ARMCX5: variants seen among roughly 807,000 people sequenced by gnomAD.
ARMCX5 encodes the protein armadillo repeat containing X-linked 5, also known as armadillo repeat-containing X-linked protein 5.
Under a neutral mutation model 7.5 loss-of-function variants are expected in ARMCX5, and 1 was observed. The observed-to-expected ratio is 0.13, with a 90% CI of 0.05 to 0.63. The LOEUF (loss-of-function observed/expected upper bound fraction) is 0.63. Among genes scored for constraint, ARMCX5 ranks in the 30% least tolerant of loss-of-function variants. The pLI, the probability that ARMCX5 is intolerant of heterozygous loss-of-function variation, is 0.86. For missense variants in ARMCX5, 346 were observed against 402.2 expected, an observed-to-expected ratio of 0.86 and a Z score of 1.19; for synonymous variants, 149 against 145.7, an observed-to-expected ratio of 1.02 and a Z score of -0.16.
rs773138492 is a variant in ARMCX5, at chrX:102,602,640, G to A, written c.499G>A (p.Glu167Lys). The change falls in exon 4 of 4, where the codon GAA (glutamate) becomes AAA (lysine). Residue 167 changes from glutamate (E) to lysine (K), a missense_variant. This residue lies in a region of ARMCX5 where 204 missense variants were observed against 244.3 expected (regional missense o/e 0.83). Transcript: ENST00000473968. ...TGGGATGAAATCCAGTGATGAGGAT[G>A]AAGAAAATATATGCTCCTGGTTCTG... is the stretch of plus-strand genomic sequence containing the variant. The part of the protein sequence containing the change: ...SIGMKSSDED[E>K]ENICSWFWTG... 1.7e-6 allele frequency: 2 copies of A among 1,209,232 alleles called. No homozygotes were observed. Among genetic ancestry groups the A allele is most frequent in the Admixed American group, 4.4e-5 (2 of 45,753 alleles).
Position 102,603,899 on chromosome X carries a change from C to T in ARMCX5, c.*81C>T. 1.6e-6 allele frequency: 1 copy of T among 637,523 alleles called. No individual in the cohort carries two copies. Among genetic ancestry groups the T allele is most frequent in the Non-Finnish European group, 2.4e-6 (1 of 417,943 alleles). 52.5% of individuals were successfully genotyped at this position (637,523 alleles called of 1,213,427 possible). A position where few individuals can be genotyped will look rare whatever the true frequency, so the allele number is the denominator to read the frequency against. On this transcript the variant is annotated 3_prime_UTR_variant, in exon 4 of 4. Coordinates refer to ENST00000473968, the MANE Select transcript of ARMCX5 (RefSeq NM_001168478.2). ...CCAATGCATATTGTAATTATAAATT[C>T]AATACTTATGTTTTCCATGTTGATT...
Position 102,602,399 on chromosome X carries a change from T to C in ARMCX5, c.258T>C (p.Thr86=), listed in dbSNP as rs142005126. 496 of 1,209,820 alleles carry C rather than the reference T, an allele frequency of 4.1e-4. 3 individuals carry two copies. The highest frequency in any genetic ancestry group is 5.2e-4 in the Non-Finnish European group (462 of 895,071). ...EVIKVEDTTK[T]RVMVETKTKP... ...TCAAGGTGGAAGATACAACTAAGAC[T>C]AGAGTCATGGTTGAGACTAAGACAA... The change falls in exon 4 of 4, where the codon ACT becomes ACC. Residue 86 remains threonine, a synonymous_variant. Transcript: ENST00000473968.
At position 102,602,471 on chromosome X, in the gene ARMCX5, C is replaced by G. The variant is rs1042317545; in HGVS notation, c.330C>G (p.Ala110=). ...TAGTGCCACAAACCAAGTCAAAGGC[C>G]ATGCCTATGTCTAGGGTCAGTACTG... ...RSIVPQTKSK[A]MPMSRVSTVT... The change falls in exon 4 of 4, where the codon GCC becomes GCG. Residue 110 remains alanine (A), a synonymous_variant. Coordinates refer to ENST00000473968, the MANE Select transcript of ARMCX5 (RefSeq NM_001168478.2). 1 of 1,209,631 alleles carries G rather than the reference C, an allele frequency of 8.3e-7. No homozygotes were observed. Among genetic ancestry groups the G allele is most frequent in the African/African-American group, 1.7e-5 (1 of 57,155 alleles).
upstream of ARMCX5, chrX:102,599,310 A>T (rs1161873526): frequency 9.0e-6 from 1 of 111,494 alleles, no homozygotes; most frequent in Non-Finnish European, 1.9e-5. Flanking sequence ...GAACTAATAC[A>T]GAAACACTCT....
chrX:102,603,767 C>T lies in ARMCX5; in HGVS notation c.1626C>T (p.His542=), dbSNP rs764644481. ...AGAAACTCCAAGACTTAGCAGAGCA[C>T]AGTGATCCCGAAGTGAGAGATAAAG... ...FGQKLQDLAE[H]SDPEVRDKVI... is the part of the protein sequence containing the mutation. Residue 542 remains histidine, a synonymous_variant, in exon 4 of 4, where the codon CAC becomes CAT. Coordinates refer to ENST00000473968, the MANE Select transcript of ARMCX5 (RefSeq NM_001168478.2). The T allele has an allele frequency of 2.5e-6, 3 of 1,195,595 alleles. No homozygotes were observed. Among genetic ancestry groups the T allele is most frequent in the East Asian group, 5.9e-5 (2 of 33,674 alleles).
rs1358925759 is a variant in ARMCX5 at position 102,603,696 on chromosome X, A to G, written c.1555A>G (p.Lys519Glu). The G allele has an allele frequency of 8.3e-7, 1 of 1,203,834 alleles. No homozygotes were observed. The highest frequency in any genetic ancestry group is 1.1e-6 in the Non-Finnish European group (1 of 889,066). ...GCTATTTACCAAGGAAAAGTTCACT[A>G]AATCTGAGCTTATTTCAATATTCCA... is the stretch of plus-strand genomic sequence containing the variant. ...AKLFTKEKFT[K>E]SELISIFQEA... The change falls in exon 4 of 4, where the codon AAA (lysine) becomes GAA (glutamate). Residue 519 changes from lysine (K) to glutamate (E), a missense_variant. Around this residue, in one of 3 missense-constraint regions of ARMCX5, gnomAD observed 139 missense variants for 141.1 expected, o/e 0.99. Transcript: ENST00000473968.
chrX:102,602,658 T>C lies in ARMCX5; in HGVS notation c.517T>C (p.Trp173Arg), dbSNP rs763159758. The C allele has an allele frequency of 1.7e-6, 2 of 1,211,477 alleles. No individual in the cohort carries two copies. The highest frequency in any genetic ancestry group is 2.2e-6 in the Non-Finnish European group (2 of 895,175). Reference sequence around the variant, plus strand: ...TGAGGATGAAGAAAATATATGCTCCTGGTTCTGGACTGGAGAAGAGCCTAG... The same window carrying C: ...TGAGGATGAAGAAAATATATGCTCCCGGTTCTGGACTGGAGAAGAGCCTAG... ...SDEDEENICS[W>R]FWTGEEPSVG... is the part of the protein sequence containing the mutation. The change falls in exon 4 of 4, where the codon TGG (tryptophan) becomes CGG (arginine). Residue 173 changes from tryptophan to arginine, a missense_variant. Transcript: ENST00000473968.
upstream of ARMCX5, chrX:102,599,508 C>G (rs2080999709): frequency 9.1e-6 from 1 of 109,968 alleles, no homozygotes; most frequent in African/African-American, 3.3e-5. Context: ...AAACTACGCT[C>G]TAGCTCCTCC....
Position 102,603,363 on chromosome X carries a change from C to A in ARMCX5, c.1222C>A (p.Pro408Thr), listed in dbSNP as rs1445344175. 2 of 1,210,821 alleles carry A rather than the reference C, an allele frequency of 1.7e-6. No individual in the cohort carries two copies. Among genetic ancestry groups the A allele is most frequent in the South Asian group, 1.8e-5 (1 of 56,941 alleles). ...CATAATCTCTTGCCCCTTGAACTCCCCTGTGCAGCTGGCTGGACTGAAATT... is the reference window on the plus strand; with the variant it reads ...CATAATCTCTTGCCCCTTGAACTCCACTGTGCAGCTGGCTGGACTGAAATT... ...KGIISCPLNS[P>T]VQLAGLKLLG... Residue 408 changes from proline to threonine, a missense_variant, in exon 4 of 4, where the codon CCT becomes ACT. This residue lies in a region of ARMCX5 where 139 missense variants were observed against 141.1 expected (regional missense o/e 0.99). Coordinates refer to ENST00000473968, the MANE Select transcript of ARMCX5 (RefSeq NM_001168478.2).
At position 102,602,108 on chromosome X, in the gene ARMCX5, G is replaced by A. The variant is rs746940067; in HGVS notation, c.-34G>A. On this transcript the variant is annotated 5_prime_UTR_variant, in exon 4 of 4. Coordinates refer to ENST00000473968, the MANE Select transcript of ARMCX5 (RefSeq NM_001168478.2). ...TTCAGTCAAGGCTGAGACGGGTGGG[G>A]GTATATAACTTGTCCTTACGTTAAA... The A allele has an allele frequency of 1.2e-5, 14 of 1,121,055 alleles. No individual in the cohort carries two copies. The highest frequency in any genetic ancestry group is 2.6e-4 in the Middle Eastern group (1 of 3,862). The allele number at this position is 1,121,055 out of a possible 1,213,427, so 92.4% of individuals were successfully genotyped here. A position where few individuals can be genotyped will look rare whatever the true frequency, so the allele number is the denominator to read the frequency against.
At chrX:102,600,313 C>G (rs1420684222) in intron 1 of ARMCX5, 1 of 110,681 alleles carries the variant, frequency 9.0e-6, no homozygotes, top group African/African-American at 3.3e-5. Context: ...ATGTGTAAAT[C>G]TGTTCCTAAG....
At chrX:102,599,910 C>G (rs2081008980) in intron 1 of ARMCX5, 63 bp downstream of exon 1, 1 of 105,564 alleles carries the variant, frequency 9.5e-6, no homozygotes, top group African/African-American at 3.5e-5. Flanking sequence ...ACACTGGATA[C>G]GCGACCTGGT....
In ARMCX5 at chrX:102,603,848, C is replaced by T; in HGVS notation, c.*30C>T. ...CCCTCTGTTCTCATAAAGCCTCAAA[C>T]AGTTTTTTGGAGTTGCAATATGAAA... On this transcript the variant is annotated 3_prime_UTR_variant, in exon 4 of 4. Coordinates refer to ENST00000473968, the MANE Select transcript of ARMCX5 (RefSeq NM_001168478.2). The T allele has an allele frequency of 1.0e-6, 1 of 957,097 alleles. No homozygotes were observed. Among genetic ancestry groups the T allele is most frequent in the Non-Finnish European group, 1.4e-6 (1 of 704,268 alleles). The allele number at this position is 957,097 out of a possible 1,213,427, so 78.9% of individuals were successfully genotyped here. A position where few individuals can be genotyped will look rare whatever the true frequency, so the allele number is the denominator to read the frequency against.
chrX:102,602,597 A>G lies in ARMCX5; in HGVS notation c.456A>G (p.Arg152=), dbSNP rs150705414. 251 of 1,208,660 alleles carry G rather than the reference A, an allele frequency of 2.1e-4. No homozygotes were observed. The East Asian group carries it at 4.9e-3, about 24-fold the overall frequency. The part of the protein sequence containing the change: ...DKANTGSRPD[R]REETSIGMKS... Reference sequence around the variant, plus strand: ...CCAATACTGGGTCCAGACCTGACAGAAGGGAAGAGACCAGCATTGGGATGA... The same window carrying G: ...CCAATACTGGGTCCAGACCTGACAGGAGGGAAGAGACCAGCATTGGGATGA... Residue 152 remains arginine (R), a synonymous_variant, in exon 4 of 4, where the codon AGA becomes AGG. Coordinates refer to ENST00000473968, the MANE Select transcript of ARMCX5 (RefSeq NM_001168478.2).
rs757494690 is a variant in ARMCX5 at position 102,603,804 on chromosome X, A to G, written c.1663A>G (p.Ile555Val). Reference protein sequence around the residue: ...PEVRDKVIRLILKL With the variant: ...PEVRDKVIRLVLKL ...AGTGAGAGATAAAGTCATACGATTAATACTAAAACTCTGAATACCCCTCTG... is the reference window on the plus strand; with the variant it reads ...AGTGAGAGATAAAGTCATACGATTAGTACTAAAACTCTGAATACCCCTCTG... Residue 555 changes from isoleucine to valine, a missense_variant, in exon 4 of 4, where the codon ATA (isoleucine) becomes GTA (valine). Transcript: ENST00000473968. The G allele has an allele frequency of 2.6e-6, 3 of 1,152,130 alleles. No individual in the cohort carries two copies. Among genetic ancestry groups the G allele is most frequent in the Admixed American group, 5.4e-5 (2 of 36,972 alleles). The allele number at this position is 1,152,130 out of a possible 1,213,427, so 94.9% of individuals were successfully genotyped here. A position where few individuals can be genotyped will look rare whatever the true frequency, so the allele number is the denominator to read the frequency against.
At position 102,600,998 on chromosome X, in the gene ARMCX5, T is replaced by A. The variant is rs1000107889; in HGVS notation, c.-343T>A. 1 of 111,596 alleles carries A rather than the reference T, an allele frequency of 9.0e-6. No homozygotes were observed. Among genetic ancestry groups the A allele is most frequent in the African/African-American group, 3.3e-5 (1 of 30,639 alleles). 9.2% of individuals were successfully genotyped at this position (111,596 alleles called of 1,213,427 possible). A position where few individuals can be genotyped will look rare whatever the true frequency, so the allele number is the denominator to read the frequency against. On this transcript the variant is annotated 5_prime_UTR_variant, in exon 2 of 4. An upstream open reading frame in the 5' UTR gains an earlier in-frame stop. Coordinates refer to ENST00000473968, the MANE Select transcript of ARMCX5 (RefSeq NM_001168478.2). ...GTCACCCAACTTAAAACTAGGAAAT[T>A]ACGAAGAAGAGAAAATTGCCCTGTA...
At position 102,603,400 on chromosome X, in the gene ARMCX5, T is replaced by G; in HGVS notation, c.1259T>G (p.Leu420Trp). Residue 420 changes from leucine (L) to tryptophan (W), a missense_variant, in exon 4 of 4, where the codon TTG becomes TGG. By Grantham distance (61) the Leu-to-Trp change is moderately conservative. This residue lies in a region of ARMCX5 where 139 missense variants were observed against 141.1 expected (regional missense o/e 0.99). Transcript: ENST00000473968. ...QLAGLKLLGHLSIKFEDHYVI... is the reference protein window; with the variant it reads ...QLAGLKLLGHWSIKFEDHYVI... ...GCTGGACTGAAATTACTAGGGCACT[T>G]GAGTATAAAATTTGAAGATCACTAT... The G allele has an allele frequency of 8.3e-7, 1 of 1,210,872 alleles. No homozygotes were observed. Among genetic ancestry groups the G allele is most frequent in the South Asian group, 1.8e-5 (1 of 56,887 alleles).
chrX:102,603,363 C>T lies in ARMCX5; in HGVS notation c.1222C>T (p.Pro408Ser). 8.3e-7 allele frequency: 1 copy of T among 1,210,821 alleles called. No homozygotes were observed. The highest frequency in any genetic ancestry group is 1.1e-6 in the Non-Finnish European group (1 of 894,955). ...KGIISCPLNS[P>S]VQLAGLKLLG... Reference sequence around the variant, plus strand: ...CATAATCTCTTGCCCCTTGAACTCCCCTGTGCAGCTGGCTGGACTGAAATT... The same window carrying T: ...CATAATCTCTTGCCCCTTGAACTCCTCTGTGCAGCTGGCTGGACTGAAATT... The change falls in exon 4 of 4, where the codon CCT becomes TCT. Residue 408 changes from proline to serine, a missense_variant. Physicochemically the swap from Pro to Ser is moderately conservative, Grantham distance 74. Around this residue, in one of 3 missense-constraint regions of ARMCX5, gnomAD observed 139 missense variants for 141.1 expected, o/e 0.99. Transcript: ENST00000473968.
intron 3 of ARMCX5, 88 bp from the exon 4 acceptor site, chrX:102,601,792 C>T (rs1165386686): frequency 1.5e-5 from 3 of 205,815 alleles, no homozygotes; most frequent in South Asian, 2.1e-4. Flanking sequence ...ACTGAATCAC[C>T]ATATTCTCCT....
Sources: allele counts gnomAD v4.1 joint callset, GRCh38; gene constraint gnomAD v4.1.1; regional missense constraint gnomAD v4.1.1; transcripts MANE v1.5; gene names NCBI Gene and HGNC (gene_info 2026-07-23, HGNC 2026-07-21).